ROBO1: variants seen among roughly 807,000 people sequenced by gnomAD.
ROBO1 encodes roundabout guidance receptor 1.
ROBO1 carries 149 observed loss-of-function variants against 195.9 expected under a neutral mutation model. The ratio of observed to expected loss-of-function variants is 0.76; its 90% CI spans 0.67 to 0.87. ROBO1 has a LOEUF of 0.87. Ranked by LOEUF, ROBO1 falls within the 40% of genes least tolerant of loss-of-function variation. The pLI is 0.00. For synonymous variants in ROBO1, 816 were observed against 733.2 expected, an observed-to-expected ratio of 1.11 and a Z score of -1.82; for missense variants, 1,933 against 2,068.3, an observed-to-expected ratio of 0.93 and a Z score of 1.27.
At chr3:79,447,762 A>G (rs1478196213) in intron 2 of ROBO1, among the ~76,000 whole-genome samples, 2 of 152,146 alleles carry the variant, frequency 1.3e-5, no homozygotes, top group African/African-American at 2.4e-5. Context: ...TTATTTTTCT[A>G]TTCCTAACCA....
intron 1 of ROBO1, among the ~76,000 whole-genome samples, chr3:79,607,823 C>A (rs902537423): frequency 6.6e-6 from 1 of 151,908 alleles, no homozygotes; most frequent in Non-Finnish European, 1.5e-5. Context: ...GCGTGGCTCT[C>A]CCTAGAGAGG....
chr3:79,727,730 T>A (rs1299782794), intron 1 of ROBO1, among the ~76,000 whole-genome samples: 2 of 152,166 alleles, frequency 1.3e-5, no homozygotes, highest in African/African-American at 4.8e-5. Flanking sequence ...ATTCTTCATA[T>A]CCTGCCTGCA....
intron 3 of ROBO1, among the ~76,000 whole-genome samples, chr3:79,046,975 A>G (rs187569672): frequency 6.6e-6 from 1 of 152,150 alleles, no homozygotes; most frequent in Non-Finnish European, 1.5e-5. Context: ...AGAGTTCGGC[A>G]TCTAGAAGGA....
intron 26 of ROBO1, among the ~76,000 whole-genome samples, chr3:78,624,879 G>C (rs1341125589): frequency 6.6e-6 from 1 of 152,022 alleles, no homozygotes; most frequent in East Asian, 1.9e-4. Context: ...TGCTTACCAG[G>C]CAATCAGAAA....
At chr3:79,480,774 T>C (rs1938800896) in intron 2 of ROBO1, among the ~76,000 whole-genome samples, 1 of 152,144 alleles carries the variant, frequency 6.6e-6, no homozygotes, top group Admixed American at 6.5e-5. Context: ...GGGGATATTA[T>C]CAGCTTTACT....
intron 2 of ROBO1, among the ~76,000 whole-genome samples, chr3:79,507,334 G>C (rs6548622): frequency 0.72 from 110,159 of 152,074 alleles, 40,504 homozygotes; most frequent in African/African-American, 0.86. Context: ...ACAAACTATC[G>C]GGACCATTAG....
intron 3 of ROBO1, among the ~76,000 whole-genome samples, chr3:78,940,541 A>G (rs1331504156): frequency 6.6e-6 from 1 of 152,176 alleles, no homozygotes; most frequent in Admixed American, 6.5e-5. Context: ...CTCCACAAGT[A>G]CCTTGCGCAT....
chr3:79,326,650 G>T (rs2109151283), intron 2 of ROBO1, among the ~76,000 whole-genome samples: 1 of 152,326 alleles, frequency 6.6e-6, no homozygotes, highest in East Asian at 1.9e-4. Flanking sequence ...TGACACAAAA[G>T]TAATTGTGGT....
rs867279398 is a variant in ROBO1, at chr3:78,779,997, A to T, written c.500-33097T>A. Among the ~76,000 whole-genome samples the T allele has an allele frequency of 2.6e-5, 4 of 152,124 alleles. No individual in the cohort carries two copies. The South Asian group carries it at 8.3e-4, about 31-fold the overall frequency. ...GGAAACCATCATTCTCAGCAAACTA[A>T]CACAGGAACGGAAAACTGAACACCA... On this transcript the variant is annotated intron_variant, in intron 4 of 30. Transcript: ENST00000464233.
intron 4 of ROBO1, among the ~76,000 whole-genome samples, chr3:78,855,733 T>C (rs1576296694): frequency 6.6e-6 from 1 of 151,714 alleles, no homozygotes; most frequent in African/African-American, 2.4e-5. Flanking sequence ...CAGACAAGAA[T>C]AACAAGGAAG....
In ROBO1 at chr3:79,748,657, G is replaced by C. The variant is rs369878023; in HGVS notation, c.-51+19095C>G. Among the ~76,000 whole-genome samples the C allele has an allele frequency of 2.0e-5, 3 of 152,100 alleles. No individual in the cohort carries two copies. The South Asian group carries it at 6.2e-4, about 31-fold the overall frequency. ...TGTTGTGAGAGGAACCTGGTGGGAG[G>C]TGATTGAATTATGGGGATGGGTCTT... On this transcript the variant is annotated intron_variant, in intron 1 of 30. Coordinates refer to ENST00000464233, the MANE Select transcript of ROBO1 (RefSeq NM_002941.4).
intron 2 of ROBO1, among the ~76,000 whole-genome samples, chr3:79,336,529 C>G (rs992747587): frequency 1.3e-5 from 2 of 152,200 alleles, no homozygotes; most frequent in Non-Finnish European, 2.9e-5. Context: ...GTTTGGGAAC[C>G]TCCACTTAGA....
intron 4 of ROBO1, among the ~76,000 whole-genome samples, chr3:78,874,692 T>A (rs1194919978): frequency 2.6e-5 from 4 of 151,870 alleles, no homozygotes; most frequent in African/African-American, 4.8e-5. Flanking sequence ...ATATAAAAAA[T>A]TTAAACTAAC....
intron 4 of ROBO1, among the ~76,000 whole-genome samples, chr3:78,857,797 G>T (rs1326878056): frequency 6.6e-6 from 1 of 152,166 alleles, no homozygotes; most frequent in East Asian, 1.9e-4. Context: ...ACCCAGGTTG[G>T]TCTCCCTCTT....
In ROBO1 at chr3:79,557,731, AAAAC is replaced by A. The variant is rs201098542; in HGVS notation, c.88+32089_88+32092del. Among the ~76,000 whole-genome samples the A allele has an allele frequency of 6.4e-4, 56 of 87,786 alleles. 2 individuals carry two copies. The highest frequency in any genetic ancestry group is 3.2e-3 in the African/African-American group (50 of 15,500). 57.6% of individuals were successfully genotyped at this position (87,786 alleles called of 152,430 possible). Reference sequence around the variant, plus strand: ...CTGGGCAACAGAGCGAGACTGTCTTAAAACAAAAAAAAATATATATATATATATA... The same window carrying A: ...CTGGGCAACAGAGCGAGACTGTCTTAAAAAAAAAATATATATATATATATA... On this transcript the variant is annotated intron_variant, in intron 2 of 30. Transcript: ENST00000464233.
At chr3:79,043,054 T>C (rs540170043) in intron 3 of ROBO1, among the ~76,000 whole-genome samples, 1 of 152,150 alleles carries the variant, frequency 6.6e-6, no homozygotes, top group Non-Finnish European at 1.5e-5. Context: ...TTTGAGACTA[T>C]CATAAAAGGA....
chr3:79,592,052 A>G (rs113803912), intron 1 of ROBO1, among the ~76,000 whole-genome samples: 75 of 152,062 alleles, frequency 4.9e-4, no homozygotes, highest in Non-Finnish European at 1.0e-3. Context: ...ATTTAGAAGG[A>G]TTATATTTGT....
At chr3:78,963,456 C>CAT (rs1442788066) in intron 3 of ROBO1, among the ~76,000 whole-genome samples, 1 of 110,258 alleles carries the variant, frequency 9.1e-6, no homozygotes, top group East Asian at 3.1e-4. Flanking sequence ...AACATATATG[C>CAT]ATTTTTTTTA....
At chr3:78,736,392 A>G (rs891266913) in intron 5 of ROBO1, among the ~76,000 whole-genome samples, 1 of 152,192 alleles carries the variant, frequency 6.6e-6, no homozygotes, top group Non-Finnish European at 1.5e-5. Context: ...TTATAAGAGA[A>G]GTACTTGGTA....
Sources: gnomAD v4.1 joint callset for allele counts (sites outside exome capture counted in the v4.1 genomes callset) on GRCh38, gnomAD v4.1.1 for gene constraint, MANE v1.5 for transcripts, NCBI Gene and HGNC (gene_info 2026-07-23, HGNC 2026-07-21) for gene names.